Variants in PLA2G4A observed in about 807,000 individuals in gnomAD.
The protein encoded by PLA2G4A is cytosolic phospholipase A2.
In PLA2G4A, 40 loss-of-function variants were observed where a neutral mutation model predicts 81.9. That is an observed-to-expected ratio of 0.49 (90% CI 0.38 to 0.64). The LOEUF (loss-of-function observed/expected upper bound fraction) is 0.64. PLA2G4A is among the 30% of genes least tolerant of loss of function. PLA2G4A has a pLI of 0.00. For synonymous variants in PLA2G4A, 302 were observed against 296.9 expected (o/e 1.02, Z -0.18); for missense variants, 715 against 905.1 (o/e 0.79, Z 2.69).
chr1:186,928,087 T>C (rs1032250492), intron 7 of PLA2G4A, among the ~76,000 whole-genome samples: 2 of 152,064 alleles, frequency 1.3e-5, no homozygotes, highest in Non-Finnish European at 1.5e-5. Flanking sequence ...GAATTTTTCT[T>C]ATCTGAGGAA....
Position 186,939,064 on chromosome 1 carries a change from T to A in PLA2G4A, c.752T>A (p.Ile251Asn). ...TTTCCAGAGAAAGGGCCAGAGGAGA[T>A]TAATGAAGAACTAATGAAAAATGTT... ...PDFPEKGPEE[I>N]NEELMKNVSH... The change falls in exon 9 of 18, where the codon ATT (isoleucine) becomes AAT (asparagine). Residue 251 changes from isoleucine (I) to asparagine (N), a missense_variant. Coordinates refer to ENST00000367466, the MANE Select transcript of PLA2G4A (RefSeq NM_024420.3). The A allele has an allele frequency of 6.2e-7, 1 of 1,611,628 alleles. No homozygotes were observed. Among genetic ancestry groups the A allele is most frequent in the Non-Finnish European group, 8.5e-7 (1 of 1,177,894 alleles).
At chr1:186,843,917 A>G (rs932141158) in intron 1 of PLA2G4A, among the ~76,000 whole-genome samples, 5 of 152,212 alleles carry the variant, frequency 3.3e-5, no homozygotes, top group Non-Finnish European at 7.3e-5. Flanking sequence ...TTTCATATAT[A>G]CTTGTCTATG....
At chr1:186,918,950 A>T (rs943878445) in intron 7 of PLA2G4A, among the ~76,000 whole-genome samples, 28 of 152,250 alleles carry the variant, frequency 1.8e-4, no homozygotes, top group African/African-American at 6.5e-4. Context: ...GTCCTTAGAC[A>T]TAGTGGCCAG....
rs368594379 is a variant in PLA2G4A at position 186,872,561 on chromosome 1, C to T, written c.115+2045C>T. Among the ~76,000 whole-genome samples the T allele has an allele frequency of 2.4e-3, 369 of 151,926 alleles. 1 individual carries two copies. The highest frequency in any genetic ancestry group is 8.0e-3 in the African/African-American group (332 of 41,430). The stretch of plus-strand genomic sequence containing the variant: ...GAAGCGTTCTGTTGTGTAGAGACAA[C>T]GGCTGTTATTGTGCTTAAGATGAGT... On this transcript the variant is annotated intron_variant, in intron 3 of 17. Coordinates refer to ENST00000367466, the MANE Select transcript of PLA2G4A (RefSeq NM_024420.3).
chr1:186,838,279 AGTTTTTAAAGACAGAAAGAAAAATT>A (rs1187668007), intron 1 of PLA2G4A, among the ~76,000 whole-genome samples: 1 of 152,148 alleles, frequency 6.6e-6, no homozygotes, highest in Non-Finnish European at 1.5e-5. Context: ...CTAGAGTGGG[AGTTTTTAAAGACAGAAAGAAAAATT>A]GTTTTTAAAG....
At chr1:186,893,526 T>C (rs567388361) in intron 4 of PLA2G4A, among the ~76,000 whole-genome samples, 2 of 152,348 alleles carry the variant, frequency 1.3e-5, no homozygotes, top group South Asian at 4.1e-4. Flanking sequence ...ATCTTTCTCA[T>C]ATTCCAAAGT....
At chr1:186,987,675 T>C (rs2102310854) in intron 17 of PLA2G4A, among the ~76,000 whole-genome samples, 1 of 152,342 alleles carries the variant, frequency 6.6e-6, no homozygotes, top group East Asian at 1.9e-4. Context: ...CCCCAAATTC[T>C]AACTAGGTTA....
intron 1 of PLA2G4A, among the ~76,000 whole-genome samples, chr1:186,849,241 G>A (rs893634664): frequency 6.6e-6 from 1 of 152,032 alleles, no homozygotes; most frequent in Admixed American, 6.6e-5. Context: ...TTGGGCCATT[G>A]TATTCGGCAC....
chr1:186,923,869 C>T (rs72709867), intron 7 of PLA2G4A, among the ~76,000 whole-genome samples: 5,913 of 152,310 alleles, frequency 0.039, 156 homozygotes, highest in Middle Eastern at 0.082. Context: ...TAACGGCTGA[C>T]TACTTCCTGT....
At chr1:186,854,608 G>GA (rs1039600017) in intron 2 of PLA2G4A, among the ~76,000 whole-genome samples, 2 of 151,324 alleles carry the variant, frequency 1.3e-5, no homozygotes, top group African/African-American at 2.4e-5. Flanking sequence ...AACTTGAAAG[G>GA]AAAAAAATAC....
intron 5 of PLA2G4A, among the ~76,000 whole-genome samples, chr1:186,906,033 C>T (rs1433801393): frequency 6.6e-6 from 1 of 152,144 alleles, no homozygotes; most frequent in Non-Finnish European, 1.5e-5. Flanking sequence ...CTGCACATTT[C>T]AAGAGGTATA....
At chr1:186,910,487 C>A (rs1654900966) in intron 6 of PLA2G4A, among the ~76,000 whole-genome samples, 1 of 152,030 alleles carries the variant, frequency 6.6e-6, no homozygotes, top group Admixed American at 6.6e-5. Context: ...CTCTGTGATC[C>A]TAACCTCTCA....
chr1:186,877,042 A>G (rs78546905), intron 3 of PLA2G4A, among the ~76,000 whole-genome samples: 11,462 of 152,050 alleles, frequency 0.075, 536 homozygotes, highest in African/African-American at 0.12. Flanking sequence ...AGGGTGTTGG[A>G]TATTTAGGGA....
At chr1:186,873,825 A>G (rs1442852888) in intron 3 of PLA2G4A, among the ~76,000 whole-genome samples, 1 of 152,060 alleles carries the variant, frequency 6.6e-6, no homozygotes, top group East Asian at 1.9e-4. Context: ...ACTTGAGGGC[A>G]TTGACAAGCC....
chr1:186,839,448 A>T (rs1651900072), intron 1 of PLA2G4A, among the ~76,000 whole-genome samples: 1 of 152,146 alleles, frequency 6.6e-6, no homozygotes, highest in South Asian at 2.1e-4. Flanking sequence ...CAAATTTCTC[A>T]TTGGCAAAAT....
chr1:186,889,762 T>C (rs1303850707), intron 3 of PLA2G4A, among the ~76,000 whole-genome samples: 1 of 36,034 alleles, frequency 2.8e-5, no homozygotes, highest in East Asian at 1.2e-3. Context: ...CTGTTGGATC[T>C]TTTTGTTTAG....
At chr1:186,954,250 C>T (rs746218776) in intron 13 of PLA2G4A, among the ~76,000 whole-genome samples, 44 of 152,124 alleles carry the variant, frequency 2.9e-4, no homozygotes, top group Non-Finnish European at 1.6e-4. Flanking sequence ...CCATGGAATA[C>T]TATATAGCCA....
At chr1:186,871,641 C>T (rs749160735) in intron 3 of PLA2G4A, among the ~76,000 whole-genome samples, 1 of 151,998 alleles carries the variant, frequency 6.6e-6, no homozygotes, top group Non-Finnish European at 1.5e-5. Context: ...CCCAATATTA[C>T]TAGAGAATAG....
At chr1:186,942,543 C>A (rs1286714629) in intron 10 of PLA2G4A, among the ~76,000 whole-genome samples, 1 of 151,796 alleles carries the variant, frequency 6.6e-6, no homozygotes, top group East Asian at 1.9e-4. Context: ...ATGAAATATG[C>A]ATAAGATGAG....
Sources: allele counts gnomAD v4.1 joint callset (sites outside exome capture counted in the v4.1 genomes callset), GRCh38; gene constraint gnomAD v4.1.1; transcripts MANE v1.5; gene names NCBI Gene and HGNC (gene_info 2026-07-23, HGNC 2026-07-21).